Variants in HMCN1 observed in about 807,000 individuals in gnomAD.
HMCN1 encodes the protein hemicentin-1.
HMCN1 carries 321 observed loss-of-function variants against 625.9 expected under a neutral mutation model. The ratio of observed to expected loss-of-function variants is 0.51; its 90% CI spans 0.47 to 0.56. HMCN1 has a LOEUF of 0.56. HMCN1 is among the 20% of genes least tolerant of loss of function. The pLI, the probability that HMCN1 is intolerant of heterozygous loss-of-function variation, is 0.00. For synonymous variants in HMCN1, 2,425 were observed against 2,417.6 expected, an observed-to-expected ratio of 1.00 and a Z score of -0.09; for missense variants, 6,588 against 6,887.3, an observed-to-expected ratio of 0.96 and a Z score of 1.54.
intron 42 of HMCN1, among the ~76,000 whole-genome samples, chr1:186,050,772 A>G (rs917732680): frequency 2.0e-5 from 3 of 152,122 alleles, no homozygotes; most frequent in African/African-American, 7.2e-5. Flanking sequence ...CACTTAAAAA[A>G]TACTTACATT....
At position 186,171,437 on chromosome 1, in the gene HMCN1, C is replaced by A; in HGVS notation, c.15675C>A (p.Gly5225=). 2 of 1,611,470 alleles carry A rather than the reference C, an allele frequency of 1.2e-6. No homozygotes were observed. Among genetic ancestry groups the A allele is most frequent in the Non-Finnish European group, 1.7e-6 (2 of 1,177,776 alleles). ...CGCEPGYQLK[G]RKCMDVNECR... is the part of the protein sequence containing the mutation. ...GTGAACCTGGGTATCAGCTCAAAGG[C>A]AGAAAATGCATGGGTAAGAAAAGGG... is the stretch of plus-strand genomic sequence containing the variant. Residue 5225 remains glycine, a synonymous_variant, in exon 101 of 107, where the codon GGC becomes GGA. Coordinates refer to ENST00000271588, the MANE Select transcript of HMCN1 (RefSeq NM_031935.3).
intron 21 of HMCN1, among the ~76,000 whole-genome samples, chr1:185,989,954 C>T (rs1192470964): frequency 6.6e-6 from 1 of 152,086 alleles, no homozygotes; most frequent in Non-Finnish European, 1.5e-5. Flanking sequence ...AGTTAACACT[C>T]CTAGCAAAGC....
chr1:186,176,331 C>T (rs149217780), intron 103 of HMCN1, among the ~76,000 whole-genome samples: 400 of 152,180 alleles, frequency 2.6e-3, no homozygotes, highest in Non-Finnish European at 4.6e-3. Flanking sequence ...GTATTCCTAC[C>T]TCTAAAACTT....
Position 186,065,447 on chromosome 1 carries a change from T to G in HMCN1, c.7705+18T>G. On this transcript the variant is annotated intron_variant, in intron 49 of 106. Coordinates refer to ENST00000271588, the MANE Select transcript of HMCN1 (RefSeq NM_031935.3). ...TGTATTTGGTAGGTGTGGGCTTTTCTTCATATCTTAAAGAATCTGACATGA... is the reference window on the plus strand; with the variant it reads ...TGTATTTGGTAGGTGTGGGCTTTTCGTCATATCTTAAAGAATCTGACATGA... 6.5e-7 allele frequency: 1 copy of G among 1,549,686 alleles called. No individual in the cohort carries two copies. Among genetic ancestry groups the G allele is most frequent in the Non-Finnish European group, 8.7e-7 (1 of 1,155,198 alleles).
At chr1:186,158,560 T>A (rs1651200065) in intron 97 of HMCN1, among the ~76,000 whole-genome samples, 1 of 152,224 alleles carries the variant, frequency 6.6e-6, no homozygotes, top group African/African-American at 2.4e-5. Flanking sequence ...AGGGTTTTTA[T>A]GGTTTTAGGT....
chr1:185,832,448 G>A (rs1181896779), intron 1 of HMCN1, among the ~76,000 whole-genome samples: 3 of 152,100 alleles, frequency 2.0e-5, no homozygotes, highest in Non-Finnish European at 4.4e-5. Flanking sequence ...ATTTGGTTCT[G>A]AGCATGAAGG....
At chr1:186,085,711 T>C (rs1471909203) in intron 57 of HMCN1, among the ~76,000 whole-genome samples, 1 of 151,856 alleles carries the variant, frequency 6.6e-6, no homozygotes, top group Non-Finnish European at 1.5e-5. Context: ...TCGAGAGTAC[T>C]GACCACATCT....
chr1:185,941,146 C>T (rs554682410), intron 11 of HMCN1, among the ~76,000 whole-genome samples: 1 of 152,166 alleles, frequency 6.6e-6, no homozygotes, highest in Non-Finnish European at 1.5e-5. Context: ...TGAGCCACTG[C>T]ACCTGGCCCT....
intron 10 of HMCN1, among the ~76,000 whole-genome samples, chr1:185,932,391 A>T (rs1667594387): frequency 6.6e-6 from 1 of 152,192 alleles, no homozygotes; most frequent in Admixed American, 6.6e-5. Context: ...ACTCATATAT[A>T]GTTTTAAATA....
At chr1:185,735,131 A>C (rs977263406) in intron 1 of HMCN1, 84 bp downstream of exon 1, 54 of 1,444,398 alleles carry the variant, frequency 3.7e-5, no homozygotes, top group Non-Finnish European at 5.1e-5. Flanking sequence ...GTTTGTCAGG[A>C]AGTTTCAAAA....
chr1:185,945,025 T>G (rs901795909), intron 11 of HMCN1, among the ~76,000 whole-genome samples: 1 of 152,232 alleles, frequency 6.6e-6, no homozygotes, highest in South Asian at 2.1e-4. Flanking sequence ...TACTAAAGAT[T>G]AGATATTTGT....
chr1:185,956,993 A>T (rs554063751), intron 11 of HMCN1: 2 of 152,370 alleles, frequency 1.3e-5, no homozygotes, highest in South Asian at 4.1e-4. Context: ...ATTGCACCCA[A>T]TAGATGTATA....
Position 186,087,934 on chromosome 1 carries a change from A to G in HMCN1, c.9366A>G (p.Val3122=), listed in dbSNP as rs766560650. Residue 3122 remains valine (V), a splice_region_variant and synonymous_variant, in exon 61 of 107, where the codon GTA becomes GTG. Coordinates refer to ENST00000271588, the MANE Select transcript of HMCN1 (RefSeq NM_031935.3). The part of the protein sequence containing the change: ...GQMLHIKKAE[V]SDTGQYVCRA... ...ACAATAGTATCTTTTTCTTTTAGGTATCTGACACAGGCCAGTATGTATGTA... is the reference window on the plus strand; with the variant it reads ...ACAATAGTATCTTTTTCTTTTAGGTGTCTGACACAGGCCAGTATGTATGTA... 6.2e-7 allele frequency: 1 copy of G among 1,612,314 alleles called. No individual in the cohort carries two copies. Among genetic ancestry groups the G allele is most frequent in the Non-Finnish European group, 8.5e-7 (1 of 1,178,670 alleles).
chr1:185,953,756 A>G (rs1294476327), intron 11 of HMCN1, among the ~76,000 whole-genome samples: 1 of 151,850 alleles, frequency 6.6e-6, no homozygotes, highest in Admixed American at 6.6e-5. Flanking sequence ...GAGTCACGGC[A>G]CCAAATTTCA....
At chr1:185,989,861 T>A (rs1652299756) in intron 21 of HMCN1, among the ~76,000 whole-genome samples, 1 of 151,888 alleles carries the variant, frequency 6.6e-6, no homozygotes, top group Admixed American at 6.6e-5. Flanking sequence ...AGGAATGCAA[T>A]TGTATAGTCT....
intron 11 of HMCN1, 61 bp from the exon 12 acceptor site, chr1:185,962,456 AG>A: frequency 7.4e-7 from 1 of 1,352,464 alleles, no homozygotes; most frequent in Non-Finnish European, 1.1e-6. Flanking sequence ...CTGCTAACAT[AG>A]GAAGCTTCTA....
chr1:186,090,367 A>C (rs1313970395), intron 63 of HMCN1, among the ~76,000 whole-genome samples: 1 of 151,994 alleles, frequency 6.6e-6, no homozygotes, highest in Non-Finnish European at 1.5e-5. Context: ...TATAAGACAG[A>C]GTCTATAAGT....
At chr1:186,065,667 G>T (rs779575275) in intron 49 of HMCN1, among the ~76,000 whole-genome samples, 24 of 152,170 alleles carry the variant, frequency 1.6e-4, no homozygotes, top group Non-Finnish European at 2.9e-4. Context: ...CTCTGAATAA[G>T]ATAGACTAAT....
chr1:186,059,287 A>G (rs1657536533), intron 46 of HMCN1, among the ~76,000 whole-genome samples: 1 of 152,054 alleles, frequency 6.6e-6, no homozygotes, highest in Admixed American at 6.6e-5. Flanking sequence ...GCCTAAACAC[A>G]TTATCTTCTT....
Sources: allele counts gnomAD v4.1 joint callset (sites outside exome capture counted in the v4.1 genomes callset), GRCh38; gene constraint gnomAD v4.1.1; transcripts MANE v1.5; gene names NCBI Gene and HGNC (gene_info 2026-07-23, HGNC 2026-07-21).